Variants in SCD5 observed in about 807,000 individuals in gnomAD.
The protein encoded by SCD5 is stearoyl-CoA desaturase 5.
In SCD5, 20 loss-of-function variants were observed where a neutral mutation model predicts 30.4. The observed-to-expected ratio is 0.66, with a 90% CI of 0.46 to 0.96. The LOEUF is 0.96. SCD5 is among the 40% of genes least tolerant of loss of function. The probability of loss-of-function intolerance (pLI) is 0.00; values close to 1 mark genes in which losing one functional copy is unlikely to be tolerated. For missense variants in SCD5, 381 were observed against 443.3 expected (o/e 0.86, Z 1.26); for synonymous variants, 173 against 176.4 (o/e 0.98, Z 0.16).
intron 1 of SCD5, among the ~76,000 whole-genome samples, chr4:82,770,247 A>G (rs372537953): frequency 6.6e-6 from 1 of 151,810 alleles, no homozygotes; most frequent in South Asian, 2.1e-4. Flanking sequence ...AAGTGTCCTC[A>G]TTGTTCAGTT....
intron 2 of SCD5, among the ~76,000 whole-genome samples, chr4:82,683,536 T>C (rs750663896): frequency 1.3e-5 from 2 of 152,212 alleles, no homozygotes; most frequent in African/African-American, 2.4e-5. Flanking sequence ...CAACAAAATA[T>C]TTCCCTTACT....
chr4:82,678,347 C>A (rs1728480195), intron 3 of SCD5, among the ~76,000 whole-genome samples: 1 of 152,096 alleles, frequency 6.6e-6, no homozygotes, highest in Non-Finnish European at 1.5e-5. Flanking sequence ...GCCGCCAATA[C>A]ACACATAATG....
chr4:82,636,531 G>A, intron 4 of SCD5, 60 bp downstream of exon 4: 1 of 1,335,936 alleles, frequency 7.5e-7, no homozygotes, highest in South Asian at 1.3e-5. Flanking sequence ...CAAAACTACT[G>A]AGAGGCCAAG....
chr4:82,791,813 C>T (rs1035703505), intron 1 of SCD5, among the ~76,000 whole-genome samples: 1 of 151,914 alleles, frequency 6.6e-6, no homozygotes, highest in Non-Finnish European at 1.5e-5. Context: ...CTTAAAACAA[C>T]AACAACAACA....
At chr4:82,708,165 A>G (rs1720007621) in intron 1 of SCD5, among the ~76,000 whole-genome samples, 1 of 152,226 alleles carries the variant, frequency 6.6e-6, no homozygotes. Flanking sequence ...TTTTAGGGCC[A>G]GTTGCACAAT....
chr4:82,755,704 C>T (rs1721220875), intron 1 of SCD5, among the ~76,000 whole-genome samples: 2 of 152,320 alleles, frequency 1.3e-5, no homozygotes, highest in South Asian at 2.1e-4. Context: ...CTAGTCTCCA[C>T]TATTATCATA....
chr4:82,781,943 A>G (rs1721884250), intron 1 of SCD5, among the ~76,000 whole-genome samples: 1 of 152,054 alleles, frequency 6.6e-6, no homozygotes, highest in Non-Finnish European at 1.5e-5. Context: ...GGTGAGCAAA[A>G]TCACCTATGT....
intron 3 of SCD5, among the ~76,000 whole-genome samples, chr4:82,649,896 T>G (rs1438920759): frequency 1.3e-5 from 2 of 152,206 alleles, no homozygotes; most frequent in African/African-American, 4.8e-5. Context: ...TGGAGATTAC[T>G]GTTCGTCTGG....
At chr4:82,684,876 A>G (rs1728667653) in intron 2 of SCD5, among the ~76,000 whole-genome samples, 1 of 152,230 alleles carries the variant, frequency 6.6e-6, no homozygotes, top group Non-Finnish European at 1.5e-5. Flanking sequence ...ACAAATGCCC[A>G]TCATGAACTG....
At chr4:82,776,074 C>T in intron 1 of SCD5, 1 of 164,676 alleles carries the variant, frequency 6.1e-6, no homozygotes, top group Non-Finnish European at 1.3e-5. Flanking sequence ...GCACGTGCTG[C>T]CCCACAACCT....
At chr4:82,782,057 T>C (rs1721886209) in intron 1 of SCD5, among the ~76,000 whole-genome samples, 1 of 151,212 alleles carries the variant, frequency 6.6e-6, no homozygotes, top group African/African-American at 2.4e-5. Context: ...CATTTGTCAG[T>C]GGCTCAGAAA....
At position 82,695,106 on chromosome 4, in the gene SCD5, C is replaced by T. The variant is rs559390666; in HGVS notation, c.363+10177G>A. On this transcript the variant is annotated intron_variant, in intron 2 of 4. Coordinates refer to ENST00000319540, the MANE Select transcript of SCD5 (RefSeq NM_001037582.3). ...AACTTGTGGGATCTGATGTTAACCC[C>T]GGGTGGTTAGTGTCAGAATTACACT... is the stretch of plus-strand genomic sequence containing the variant. Among the ~76,000 whole-genome samples, 21 of 151,190 alleles carry T rather than the reference C, an allele frequency of 1.4e-4. 1 individual carries two copies. The South Asian group carries it at 3.3e-3, about 24-fold the overall frequency.
intron 3 of SCD5, among the ~76,000 whole-genome samples, chr4:82,640,950 C>T (rs1727530296): frequency 6.6e-6 from 1 of 152,144 alleles, no homozygotes; most frequent in African/African-American, 2.4e-5. Flanking sequence ...TTGAAAAGCA[C>T]CACAGAACAT....
chr4:82,663,927 G>T (rs769696211), intron 3 of SCD5, among the ~76,000 whole-genome samples: 6 of 152,200 alleles, frequency 3.9e-5, no homozygotes, highest in Admixed American at 1.3e-4. Flanking sequence ...GTTGGCTACT[G>T]CAGGAATGCT....
At chr4:82,737,600 C>T (rs1720778287) in intron 1 of SCD5, among the ~76,000 whole-genome samples, 1 of 152,114 alleles carries the variant, frequency 6.6e-6, no homozygotes, top group African/African-American at 2.4e-5. Context: ...TTCCCCAGCT[C>T]CCTAATGAAC....
intron 1 of SCD5, among the ~76,000 whole-genome samples, chr4:82,777,484 G>A (rs1721767388): frequency 6.6e-6 from 1 of 152,230 alleles, no homozygotes; most frequent in Admixed American, 6.5e-5. Context: ...AGAGAGTGCT[G>A]AGGATACACA....
chr4:82,662,236 T>G (rs1728028938), intron 3 of SCD5, among the ~76,000 whole-genome samples: 1 of 152,060 alleles, frequency 6.6e-6, no homozygotes, highest in African/African-American at 2.4e-5. Context: ...TTCTTATTTT[T>G]GGTAGAGACA....
intron 1 of SCD5, among the ~76,000 whole-genome samples, chr4:82,727,991 G>A (rs1025131072): frequency 3.3e-5 from 5 of 152,174 alleles, no homozygotes; most frequent in South Asian, 2.1e-4. Context: ...TTACAGGCAT[G>A]AGCCACCATG....
At chr4:82,703,290 C>T (rs1192845112) in intron 2 of SCD5, among the ~76,000 whole-genome samples, 1 of 151,984 alleles carries the variant, frequency 6.6e-6, no homozygotes, top group Admixed American at 6.6e-5. Flanking sequence ...TTTTATTTAC[C>T]TAACAATCAT....
Sources: gnomAD v4.1 joint callset for allele counts (sites outside exome capture counted in the v4.1 genomes callset) on GRCh38, gnomAD v4.1.1 for gene constraint, MANE v1.5 for transcripts, NCBI Gene and HGNC (gene_info 2026-07-23, HGNC 2026-07-21) for gene names.